The following SORCS3 variants were observed in gnomAD, a reference collection of about 807,000 sequenced individuals.
The protein encoded by SORCS3 is sortilin related VPS10 domain containing receptor 3.
SORCS3 carries 57 observed loss-of-function variants against 146.3 expected under a neutral mutation model. The ratio of observed to expected loss-of-function variants is 0.39; its 90% CI spans 0.31 to 0.49. The LOEUF is 0.49. SORCS3 is among the 20% of genes least tolerant of loss of function. The pLI, the probability that SORCS3 is intolerant of heterozygous loss-of-function variation, is 0.92. For synonymous variants in SORCS3, 653 were observed against 618.5 expected (o/e 1.06, Z -0.83); for missense variants, 1,341 against 1,575.5 (o/e 0.85, Z 2.52).
intron 7 of SORCS3, among the ~76,000 whole-genome samples, chr10:105,113,710 T>C (rs2133759428): frequency 1.3e-5 from 2 of 152,312 alleles, no homozygotes; most frequent in Non-Finnish European, 2.9e-5. Context: ...GTGTTTGATC[T>C]CCTGCTGTTG....
intron 20 of SORCS3, among the ~76,000 whole-genome samples, chr10:105,223,807 C>T (rs146901089): frequency 1.3e-5 from 2 of 152,310 alleles, no homozygotes; most frequent in Non-Finnish European, 2.9e-5. Context: ...TACTTCCAGC[C>T]ATGGTGATGG....
At chr10:104,719,263 T>A (rs940270035) in intron 1 of SORCS3, among the ~76,000 whole-genome samples, 10 of 152,154 alleles carry the variant, frequency 6.6e-5, no homozygotes, top group Non-Finnish European at 1.5e-4. Context: ...AAATCCTGAT[T>A]ATTTTATTCC....
intron 14 of SORCS3, among the ~76,000 whole-genome samples, 189 bp downstream of exon 14, chr10:105,178,362 G>C (rs2056421281): frequency 6.6e-6 from 1 of 152,122 alleles, no homozygotes; most frequent in Non-Finnish European, 1.5e-5. Flanking sequence ...GCCAGGATTA[G>C]GGAGGCTAGG....
intron 4 of SORCS3, among the ~76,000 whole-genome samples, chr10:105,039,182 G>A (rs1029455960): frequency 6.6e-6 from 1 of 152,084 alleles, no homozygotes; most frequent in Non-Finnish European, 1.5e-5. Context: ...TAGGTGGAGA[G>A]GTTTTCAAGA....
At chr10:105,182,528 T>A (rs2056449629) in intron 14 of SORCS3, among the ~76,000 whole-genome samples, 1 of 152,124 alleles carries the variant, frequency 6.6e-6, no homozygotes, top group South Asian at 2.1e-4. Flanking sequence ...TACCAGTTGT[T>A]TACTTAGTAA....
chr10:105,093,473 T>C (rs376885967), intron 6 of SORCS3, among the ~76,000 whole-genome samples: 18 of 152,130 alleles, frequency 1.2e-4, no homozygotes, highest in African/African-American at 4.3e-4. Context: ...GTTAAAACAC[T>C]GGGAGAAAAT....
chr10:105,076,434 G>A (rs1020225510), intron 5 of SORCS3, among the ~76,000 whole-genome samples: 9 of 152,182 alleles, frequency 5.9e-5, no homozygotes, highest in Middle Eastern at 6.8e-3. Context: ...CCTTTAAGTC[G>A]TCTCTATGGC....
intron 1 of SORCS3, among the ~76,000 whole-genome samples, chr10:104,782,051 C>T (rs1463800985): frequency 6.6e-6 from 1 of 152,256 alleles, no homozygotes; most frequent in Non-Finnish European, 1.5e-5. Context: ...CACAGACACA[C>T]TCACAAATGT....
chr10:104,857,788 T>A (rs1246924728), intron 2 of SORCS3, among the ~76,000 whole-genome samples: 1 of 152,130 alleles, frequency 6.6e-6, no homozygotes, highest in Non-Finnish European at 1.5e-5. Flanking sequence ...AGTTCAGACA[T>A]TCTGAAAATG....
chr10:104,691,553 G>C (rs139628109), intron 1 of SORCS3, among the ~76,000 whole-genome samples: 384 of 152,214 alleles, frequency 2.5e-3, no homozygotes, highest in Non-Finnish European at 4.2e-3. Context: ...CTCTGGGGAC[G>C]ACATTCACTT....
intron 14 of SORCS3, among the ~76,000 whole-genome samples, chr10:105,199,738 A>C (rs1485592013): frequency 6.6e-6 from 1 of 152,152 alleles, no homozygotes; most frequent in African/African-American, 2.4e-5. Flanking sequence ...TTATATTTTA[A>C]ATGCTTCCTG....
intron 3 of SORCS3, among the ~76,000 whole-genome samples, chr10:104,919,367 AT>A (rs34496681): frequency 4.5e-4 from 67 of 148,258 alleles, no homozygotes; most frequent in Admixed American, 8.1e-4. Flanking sequence ...AATGGCATGG[AT>A]TTTTTTTTTT....
At chr10:105,136,763 G>T (rs567576972) in intron 7 of SORCS3, among the ~76,000 whole-genome samples, 1 of 152,310 alleles carries the variant, frequency 6.6e-6, no homozygotes, top group East Asian at 1.9e-4. Flanking sequence ...TTGGCAGGAT[G>T]AAGCTTGGTA....
At chr10:104,822,712 G>T (rs1393492821) in intron 1 of SORCS3, among the ~76,000 whole-genome samples, 2 of 152,114 alleles carry the variant, frequency 1.3e-5, no homozygotes, top group African/African-American at 2.4e-5. Flanking sequence ...CCCTCAATAC[G>T]CTCTAAGTTT....
rs562485342 is a variant in SORCS3 at position 105,140,050 on chromosome 10, C to G, written c.1302+564C>G. Among the ~76,000 whole-genome samples, 16 of 152,240 alleles carry G rather than the reference C, an allele frequency of 1.1e-4. No individual in the cohort carries two copies. The South Asian group carries it at 1.7e-3, about 16-fold the overall frequency. On this transcript the variant is annotated intron_variant, in intron 8 of 26. Coordinates refer to ENST00000369701, the MANE Select transcript of SORCS3 (RefSeq NM_014978.3). ...AATCATAAAACTTACTTTGGGGACC[C>G]CATTCCTTGTGAACATTGGCTTCTG... is the stretch of plus-strand genomic sequence containing the variant.
In SORCS3 at chr10:105,157,146, T is replaced by A. The variant is rs747553588; in HGVS notation, c.1491T>A (p.Gly497=). The change falls in exon 10 of 27, where the codon GGT becomes GGA. Residue 497 remains glycine, a synonymous_variant. Coordinates refer to ENST00000369701, the MANE Select transcript of SORCS3 (RefSeq NM_014978.3). ...CTCACCTTTTTTCCTAGGTAGCAGGTATCAAAGGGATATTTCTGGCAAACA... is the reference window on the plus strand; with the variant it reads ...CTCACCTTTTTTCCTAGGTAGCAGGAATCAAAGGGATATTTCTGGCAAACA... ...NIIIELYEVA[G]IKGIFLANKK... 6.2e-7 allele frequency: 1 copy of A among 1,613,910 alleles called. No homozygotes were observed. Among genetic ancestry groups the A allele is most frequent in the South Asian group, 1.1e-5 (1 of 91,070 alleles).
At chr10:105,097,771 C>T (rs930464353) in intron 6 of SORCS3, among the ~76,000 whole-genome samples, 2 of 152,114 alleles carry the variant, frequency 1.3e-5, no homozygotes, top group African/African-American at 4.8e-5. Flanking sequence ...CCAAAGATGA[C>T]CTGACCTGGG....
intron 7 of SORCS3, among the ~76,000 whole-genome samples, chr10:105,114,112 T>A (rs1292057633): frequency 2.6e-5 from 4 of 152,150 alleles, no homozygotes; most frequent in African/African-American, 9.7e-5. Flanking sequence ...GGGAATGTGA[T>A]GAAGAAACAA....
At chr10:105,013,616 A>G (rs1589593949) in intron 4 of SORCS3, among the ~76,000 whole-genome samples, 2 of 152,320 alleles carry the variant, frequency 1.3e-5, no homozygotes, top group Admixed American at 1.3e-4. Flanking sequence ...AAGAATAGGT[A>G]AAACAAAAGT....
Sources: gnomAD v4.1 joint callset for allele counts (sites outside exome capture counted in the v4.1 genomes callset) on GRCh38, gnomAD v4.1.1 for gene constraint, MANE v1.5 for transcripts, NCBI Gene and HGNC (gene_info 2026-07-23, HGNC 2026-07-21) for gene names.